Variants in ENPEP observed in about 807,000 individuals in gnomAD.
ENPEP encodes AP-A.
A neutral mutation model predicts 114.5 loss-of-function variants in ENPEP; 103 were observed. The observed-to-expected ratio is 0.90, with a 90% CI of 0.77 to 1.06. ENPEP has a LOEUF of 1.06. Ranked by LOEUF, ENPEP falls within the 50% of genes least tolerant of loss-of-function variation. The pLI is 0.00. For missense variants in ENPEP, 1,196 were observed against 1,161.3 expected (o/e 1.03, Z -0.43); for synonymous variants, 420 against 422.0 (o/e 1.00, Z 0.06).
At chr4:110,553,082 T>G (rs1271038633) in intron 17 of ENPEP, among the ~76,000 whole-genome samples, 4 of 152,140 alleles carry the variant, frequency 2.6e-5, no homozygotes, top group Non-Finnish European at 4.4e-5. Context: ...ATTTTAAATG[T>G]TTTATAGTTT....
chr4:110,515,428 C>G lies in ENPEP; in HGVS notation c.1495C>G (p.Gln499Glu). 1 of 1,588,740 alleles carries G rather than the reference C, an allele frequency of 6.3e-7. No homozygotes were observed. Among genetic ancestry groups the G allele is most frequent in the Non-Finnish European group, 8.5e-7 (1 of 1,173,436 alleles). The change falls in exon 8 of 20, where the codon CAA (glutamine) becomes GAA (glutamate). Residue 499 changes from glutamine (Q) to glutamate (E), a missense_variant. Physicochemically the swap from Gln to Glu is conservative, Grantham distance 29 (BLOSUM62 2). Transcript: ENST00000265162. ...LEDWIKPENF[Q>E]KGCQMYLEKY... is the part of the protein sequence containing the mutation. ...AGACTGGATAAAACCAGAGAATTTT[C>G]AAAAAGGATGTCAGGTATGATTTAT...
At chr4:110,497,058 T>G (rs560523331) in intron 3 of ENPEP, among the ~76,000 whole-genome samples, 7 of 152,166 alleles carry the variant, frequency 4.6e-5, no homozygotes, top group Admixed American at 3.9e-4. Flanking sequence ...TAATAAATAT[T>G]TAGGGAGTGA....
intron 7 of ENPEP, 104 bp from the exon 8 acceptor site, chr4:110,515,273 T>C (rs1413017610): frequency 5.4e-6 from 5 of 930,410 alleles, no homozygotes; most frequent in Non-Finnish European, 8.3e-6. Context: ...GAGGAACTAA[T>C]CTCACAAATA....
chr4:110,476,420 C>T lies in ENPEP; in HGVS notation c.6C>T (p.Asn2=), dbSNP rs1201557525. 1 of 1,513,798 alleles carries T rather than the reference C, an allele frequency of 6.6e-7. No individual in the cohort carries two copies. The highest frequency in any genetic ancestry group is 1.3e-5 in the South Asian group (1 of 74,960). 93.8% of individuals were successfully genotyped at this position (1,513,798 alleles called of 1,614,324 possible). A position where few individuals can be genotyped will look rare whatever the true frequency, so the allele number is the denominator to read the frequency against. The change falls in exon 1 of 20, where the codon AAC becomes AAT. Residue 2 remains asparagine, a synonymous_variant. Coordinates refer to ENST00000265162, the MANE Select transcript of ENPEP (RefSeq NM_001977.4). ...ACTTGACTTTGGAAGCAAAAATGAA[C>T]TTTGCGGAGAGAGAGGGCTCTAAGA... M[N]FAEREGSKRY...
At chr4:110,551,664 C>T (rs1032079796) in intron 17 of ENPEP, among the ~76,000 whole-genome samples, 5 of 152,182 alleles carry the variant, frequency 3.3e-5, no homozygotes, top group Non-Finnish European at 7.3e-5. Flanking sequence ...CAAGAGTTCT[C>T]ACACTGCTGA....
rs1235621726 is a variant in ENPEP at position 110,563,982 on chromosome 4, C to G, written c.*2424C>G. On this transcript the variant is annotated 3_prime_UTR_variant, in exon 20 of 20. Transcript: ENST00000265162. Reference sequence around the variant, plus strand: ...GAAACAACAGAGTAGGGGCAAAAATCTAGAACAATAATTCTCAAAGGGAAT... The same window carrying G: ...GAAACAACAGAGTAGGGGCAAAAATGTAGAACAATAATTCTCAAAGGGAAT... 1 of 152,008 alleles carries G rather than the reference C, an allele frequency of 6.6e-6. No individual in the cohort carries two copies. Among genetic ancestry groups the G allele is most frequent in the Admixed American group, 6.6e-5 (1 of 15,198 alleles). The allele number at this position is 152,008 out of a possible 1,614,324, so 9.4% of individuals were successfully genotyped here. A position where few individuals can be genotyped will look rare whatever the true frequency, so the allele number is the denominator to read the frequency against.
chr4:110,525,607 A>G (rs1289622883), intron 10 of ENPEP, among the ~76,000 whole-genome samples: 1 of 152,206 alleles, frequency 6.6e-6, no homozygotes, highest in Non-Finnish European at 1.5e-5. Flanking sequence ...AATTATTGTA[A>G]GATCAATTAT....
chr4:110,510,129 G>A lies in ENPEP; in HGVS notation c.1195-116G>A, dbSNP rs144816740. 3.5e-4 allele frequency: 293 copies of A among 829,216 alleles called. 2 individuals are homozygous for A. In the African/African-American group the frequency reaches 4.6e-3, roughly 13 times the overall value. The allele number at this position is 829,216 out of a possible 1,614,324, so 51.4% of individuals were successfully genotyped here. A position where few individuals can be genotyped will look rare whatever the true frequency, so the allele number is the denominator to read the frequency against. Reference sequence around the variant, plus strand: ...GAAATAAATGTTAAGTACAATGCCTGCCACTTCTGTCACAGTGACAACATT... The same window carrying A: ...GAAATAAATGTTAAGTACAATGCCTACCACTTCTGTCACAGTGACAACATT... On this transcript the variant is annotated intron_variant, in intron 5 of 19. Transcript: ENST00000265162.
intron 10 of ENPEP, among the ~76,000 whole-genome samples, chr4:110,525,298 G>T (rs1313899737): frequency 5.3e-5 from 8 of 152,180 alleles, no homozygotes; most frequent in Non-Finnish European, 1.5e-5. Context: ...CAGGAGCTGG[G>T]ATGTACCACT....
chr4:110,533,647 T>C (rs1230660672), intron 11 of ENPEP, among the ~76,000 whole-genome samples: 2 of 151,964 alleles, frequency 1.3e-5, no homozygotes, highest in East Asian at 1.9e-4. Context: ...GTGATAAAAA[T>C]TGAATGTAGA....
At chr4:110,518,246 C>A (rs906950987) in intron 8 of ENPEP, among the ~76,000 whole-genome samples, 1 of 152,172 alleles carries the variant, frequency 6.6e-6, no homozygotes, top group African/African-American at 2.4e-5. Flanking sequence ...ACATTCATAA[C>A]AATATGTGGT....
intron 10 of ENPEP, among the ~76,000 whole-genome samples, chr4:110,524,342 T>C (rs1174904877): frequency 6.6e-6 from 1 of 152,202 alleles, no homozygotes; most frequent in South Asian, 2.1e-4. Flanking sequence ...GTGATGAATT[T>C]ATCTACAAAT....
intron 8 of ENPEP, chr4:110,519,649 CATT>C (rs1223362004): frequency 5.3e-5 from 10 of 187,418 alleles, no homozygotes; most frequent in East Asian, 1.4e-4. Flanking sequence ...CCATCATCAT[CATT>C]ATTATTCAAA....
At chr4:110,525,933 T>A (rs1464181366) in intron 10 of ENPEP, among the ~76,000 whole-genome samples, 1 of 151,936 alleles carries the variant, frequency 6.6e-6, no homozygotes, top group Non-Finnish European at 1.5e-5. Flanking sequence ...GGATGTGATA[T>A]TTAAGGTGAG....
In ENPEP at chr4:110,488,649, A is replaced by G; in HGVS notation, c.753A>G (p.Lys251=). The part of the protein sequence containing the change: ...ATYTISITHP[K]EYGALSNMPV... ...ATACAATATCTATCACCCATCCCAAAGAATACGGAGCACTTTCAAATATGC... is the reference window on the plus strand; with the variant it reads ...ATACAATATCTATCACCCATCCCAAGGAATACGGAGCACTTTCAAATATGC... Residue 251 remains lysine (K), a synonymous_variant, in exon 2 of 20, where the codon AAA becomes AAG. Coordinates refer to ENST00000265162, the MANE Select transcript of ENPEP (RefSeq NM_001977.4). 6.2e-7 allele frequency: 1 copy of G among 1,613,074 alleles called. No homozygotes were observed. The highest frequency in any genetic ancestry group is 8.5e-7 in the Non-Finnish European group (1 of 1,179,762).
chr4:110,532,989 G>A, intron 11 of ENPEP: 1 of 384,780 alleles, frequency 2.6e-6, no homozygotes, highest in Admixed American at 3.0e-5. Flanking sequence ...TAACAGCACT[G>A]GTAAAAGACA....
intron 6 of ENPEP, 179 bp from the exon 7 acceptor site, chr4:110,513,236 G>C: frequency 1.9e-6 from 1 of 518,352 alleles, no homozygotes; most frequent in Non-Finnish European, 3.0e-6. Context: ...AGTAGAAGAA[G>C]GGCATGAAAT....
At chr4:110,521,929 A>G (rs1316271199) in intron 10 of ENPEP, among the ~76,000 whole-genome samples, 1 of 150,208 alleles carries the variant, frequency 6.7e-6, no homozygotes, top group Non-Finnish European at 1.5e-5. Flanking sequence ...CCCAGGTTGG[A>G]GTGCAGTGGC....
chr4:110,491,042 T>C lies in ENPEP; in HGVS notation c.796T>C (p.Ser266Pro), dbSNP rs753574308. ...CTTTTCTTTTCAATAGAAAGAAGAGTCAGTGGATGATAAATGGACTCGAAC... is the reference window on the plus strand; with the variant it reads ...CTTTTCTTTTCAATAGAAAGAAGAGCCAGTGGATGATAAATGGACTCGAAC... ...LSNMPVAKEE[S>P]VDDKWTRTTF... The change falls in exon 3 of 20, where the codon TCA (serine) becomes CCA (proline). Residue 266 changes from serine to proline, a missense_variant. Coordinates refer to ENST00000265162, the MANE Select transcript of ENPEP (RefSeq NM_001977.4). 1 of 1,609,206 alleles carries C rather than the reference T, an allele frequency of 6.2e-7. No homozygotes were observed. Among genetic ancestry groups the C allele is most frequent in the Non-Finnish European group, 8.5e-7 (1 of 1,178,924 alleles).
Sources: gnomAD v4.1 joint callset for allele counts (sites outside exome capture counted in the v4.1 genomes callset) on GRCh38, gnomAD v4.1.1 for gene constraint, MANE v1.5 for transcripts, NCBI Gene and HGNC (gene_info 2026-07-23, HGNC 2026-07-21) for gene names.